The following SATB2 variants were observed in gnomAD, a reference collection of about 807,000 sequenced individuals.
The protein encoded by SATB2 is DNA-binding protein SATB2.
Under a neutral mutation model 73.4 loss-of-function variants are expected in SATB2, and 1 was observed. The ratio of observed to expected loss-of-function variants is 0.01; its 90% CI spans 0.00 to 0.06. The LOEUF (loss-of-function observed/expected upper bound fraction) is 0.06. SATB2 is among the 10% of genes least tolerant of loss of function. The pLI is 1.00. For synonymous variants in SATB2, 397 were observed against 367.0 expected (o/e 1.08, Z -0.93); for missense variants, 459 against 945.8 (o/e 0.49, Z 6.75).
rs549502774 is a variant in SATB2, at chr2:199,318,783, ACT to A, written c.1542+5018_1542+5019del. ...AGAGATGCAAAAACAAAAATTAATT[ACT>A]CTCTTTCCTTTATTTTTCTTTTATA... On this transcript the variant is annotated intron_variant, in intron 9 of 10. Transcript: ENST00000417098. Among the ~76,000 whole-genome samples, 21 of 151,202 alleles carry A rather than the reference ACT, an allele frequency of 1.4e-4. No individual in the cohort carries two copies. The East Asian group carries it at 2.1e-3, about 15-fold the overall frequency.
At chr2:199,398,820 G>A (rs1429636374) in intron 3 of SATB2, among the ~76,000 whole-genome samples, 1 of 152,122 alleles carries the variant, frequency 6.6e-6, no homozygotes, top group African/African-American at 2.4e-5. Context: ...TTTGACAAGT[G>A]TGGAAATAAA....
intron 5 of SATB2, among the ~76,000 whole-genome samples, chr2:199,370,280 G>A (rs2105851878): frequency 6.6e-6 from 1 of 151,332 alleles, no homozygotes; most frequent in East Asian, 1.9e-4. Context: ...GTCTCACATA[G>A]TTCTGATGTG....
intron 3 of SATB2, among the ~76,000 whole-genome samples, chr2:199,403,227 T>G (rs946135532): frequency 3.9e-5 from 6 of 152,172 alleles, no homozygotes; most frequent in Non-Finnish European, 7.4e-5. Flanking sequence ...AATTATGTTA[T>G]ACTCACACAA....
intron 7 of SATB2, among the ~76,000 whole-genome samples, chr2:199,343,211 AC>A (rs1331339700): frequency 1.3e-5 from 2 of 152,114 alleles, no homozygotes; most frequent in Non-Finnish European, 2.9e-5. Flanking sequence ...CAAAATGAAC[AC>A]ACACGATTTG....
At chr2:199,315,325 G>T (rs1439451423) in intron 9 of SATB2, among the ~76,000 whole-genome samples, 1 of 151,910 alleles carries the variant, frequency 6.6e-6, no homozygotes, top group Admixed American at 6.6e-5. Context: ...CACAATAAAT[G>T]AGTGACATAT....
intron 10 of SATB2, among the ~76,000 whole-genome samples, chr2:199,281,482 T>TACAC (rs10685113): frequency 1.0e-4 from 15 of 150,646 alleles, no homozygotes; most frequent in African/African-American, 3.2e-4. Context: ...ATGAGATATA[T>TACAC]ACACACACAC....
intron 6 of SATB2, among the ~76,000 whole-genome samples, chr2:199,355,027 T>C (rs1688929263): frequency 6.6e-6 from 1 of 152,064 alleles, no homozygotes; most frequent in Non-Finnish European, 1.5e-5. Context: ...TAAAAGGTAT[T>C]TGGTCCAAAA....
intron 9 of SATB2, among the ~76,000 whole-genome samples, chr2:199,322,083 T>C (rs1284801492): frequency 6.6e-6 from 1 of 152,190 alleles, no homozygotes; most frequent in East Asian, 1.9e-4. Context: ...TTTAGGAGGC[T>C]GGAGGCATCA....
chr2:199,381,858 CT>C, intron 3 of SATB2, 38 bp from the exon 4 acceptor site: 1 of 1,609,206 alleles, frequency 6.2e-7, no homozygotes, highest in Non-Finnish European at 8.5e-7. Context: ...CACATATCTG[CT>C]ATTTATTAAA....
chr2:199,435,606 A>C (rs899391979), intron 2 of SATB2, among the ~76,000 whole-genome samples: 2 of 152,120 alleles, frequency 1.3e-5, no homozygotes, highest in African/African-American at 4.8e-5. Context: ...GGCCTCCCAA[A>C]GTGCTGGGAT....
chr2:199,356,547 T>C (rs1688990671), intron 6 of SATB2, among the ~76,000 whole-genome samples: 1 of 152,288 alleles, frequency 6.6e-6, no homozygotes, highest in Middle Eastern at 3.4e-3. Context: ...TCTTGTCTAA[T>C]ACCAGAGAAA....
chr2:199,305,399 C>T (rs1279648122), intron 10 of SATB2, among the ~76,000 whole-genome samples: 2 of 152,088 alleles, frequency 1.3e-5, no homozygotes, highest in Non-Finnish European at 2.9e-5. Context: ...CTAATGGGTA[C>T]TAGGCTTAAT....
chr2:199,322,584 T>C (rs1476992200), intron 9 of SATB2, among the ~76,000 whole-genome samples: 1 of 152,164 alleles, frequency 6.6e-6, no homozygotes, highest in African/African-American at 2.4e-5. Context: ...TACACTGAAA[T>C]TGAAAAGGGA....
At chr2:199,337,978 A>AT (rs1200984575) in intron 7 of SATB2, among the ~76,000 whole-genome samples, 3 of 152,122 alleles carry the variant, frequency 2.0e-5, no homozygotes, top group Admixed American at 6.6e-5. Flanking sequence ...GCTTCCTTGT[A>AT]TTTTTTTAAT....
chr2:199,297,187 A>G (rs1213895015), intron 10 of SATB2, among the ~76,000 whole-genome samples: 1 of 152,246 alleles, frequency 6.6e-6, no homozygotes, highest in Non-Finnish European at 1.5e-5. Context: ...TAAAGCCATG[A>G]CTTGTTACGT....
chr2:199,385,286 C>T (rs748909943), intron 3 of SATB2, among the ~76,000 whole-genome samples: 2 of 152,106 alleles, frequency 1.3e-5, no homozygotes, highest in African/African-American at 4.8e-5. Context: ...AGGTATATGC[C>T]ACCACACCTG....
intron 6 of SATB2, among the ~76,000 whole-genome samples, chr2:199,365,343 C>T (rs1033097260): frequency 6.6e-6 from 1 of 152,018 alleles, no homozygotes; most frequent in Non-Finnish European, 1.5e-5. Flanking sequence ...CCACCCTACC[C>T]TACCTACCCA....
chr2:199,336,007 C>A (rs972181528), intron 7 of SATB2, among the ~76,000 whole-genome samples: 3 of 152,136 alleles, frequency 2.0e-5, no homozygotes, highest in Non-Finnish European at 4.4e-5. Context: ...TACCTTTGAC[C>A]AAGCCACATT....
At chr2:199,314,875 C>G (rs559208184) in intron 9 of SATB2, among the ~76,000 whole-genome samples, 1 of 152,182 alleles carries the variant, frequency 6.6e-6, no homozygotes, top group African/African-American at 2.4e-5. Flanking sequence ...ACTCGTCTTT[C>G]TTTTCATCTC....
Sources: allele counts gnomAD v4.1 joint callset (sites outside exome capture counted in the v4.1 genomes callset), GRCh38; gene constraint gnomAD v4.1.1; transcripts MANE v1.5; gene names NCBI Gene and HGNC (gene_info 2026-07-23, HGNC 2026-07-21).